EXO1: variants seen among roughly 807,000 people sequenced by gnomAD.
The protein encoded by EXO1 is exonuclease 1.
Under a neutral mutation model 84.5 loss-of-function variants are expected in EXO1, and 69 were observed. That is an observed-to-expected ratio of 0.82 (90% CI 0.67 to 1.00). The LOEUF (loss-of-function observed/expected upper bound fraction) is 1.00. Among genes scored for constraint, EXO1 ranks in the 50% least tolerant of loss-of-function variants. The pLI is 0.00. For synonymous variants in EXO1, 373 were observed against 366.1 expected (o/e 1.02, Z -0.21); for missense variants, 1,045 against 1,000.7 (o/e 1.04, Z -0.60).
rs765067869 is a variant in EXO1, at chr1:241,889,456, A to G, written c.2406-9A>G. On this transcript the variant is annotated splice_polypyrimidine_tract_variant and intron_variant, in intron 15 of 15. Transcript: ENST00000366548. Reference sequence around the variant, plus strand: ...AAAAATACCAAATGTATTTTATTGTATTTTGCAGAGATTCTGAAAAGCTTC... The same window carrying G: ...AAAAATACCAAATGTATTTTATTGTGTTTTGCAGAGATTCTGAAAAGCTTC... 1.2e-6 allele frequency: 2 copies of G among 1,612,016 alleles called. No individual in the cohort carries two copies. Among genetic ancestry groups the G allele is most frequent in the South Asian group, 2.2e-5 (2 of 91,040 alleles).
At position 241,889,801 on chromosome 1, in the gene EXO1, T is replaced by C. The variant is rs898361009; in HGVS notation, c.*201T>C. On this transcript the variant is annotated 3_prime_UTR_variant, in exon 16 of 16. Transcript: ENST00000366548. The stretch of plus-strand genomic sequence containing the variant: ...TTTTATATTTTTATAAGAAGCTAAA[T>C]AGAAGAATAATTGTATCTCTGACAG... 1.2e-5 allele frequency: 7 copies of C among 583,346 alleles called. No individual in the cohort carries two copies. Among genetic ancestry groups the C allele is most frequent in the African/African-American group, 7.5e-5 (4 of 53,392 alleles). 36.1% of individuals were successfully genotyped at this position (583,346 alleles called of 1,614,324 possible).
chr1:241,885,348 CTCTT>C lies in EXO1; in HGVS notation c.2250_2253del (p.Ser751GlnfsTer7). On this transcript the variant is annotated frameshift_variant, in exon 15 of 16. Coordinates refer to ENST00000366548, the MANE Select transcript of EXO1 (RefSeq NM_130398.4). LOFTEE classifies it high-confidence loss of function. ...CTATATAAGTCCAGTTCTGCAGACT[CTCTT>C]TCTACAACCAAGATCAAACCTCTAG... The C allele has an allele frequency of 1.9e-6, 3 of 1,613,964 alleles. No homozygotes were observed. The highest frequency in any genetic ancestry group is 1.3e-5 in the African/African-American group (1 of 75,020).
intron 12 of EXO1, among the ~76,000 whole-genome samples, chr1:241,876,040 ATGTT>A (rs1043056006): frequency 4.9e-4 from 75 of 152,304 alleles, no homozygotes; most frequent in African/African-American, 8.7e-4. Flanking sequence ...ACAAATGAGA[ATGTT>A]TGTGTGTCTC....
rs1221475176 is a variant in EXO1 at position 241,871,426 on chromosome 1, ACCT to A, written c.1268-605_1268-603del. Among the ~76,000 whole-genome samples the A allele has an allele frequency of 6.6e-4, 100 of 152,332 alleles. 2 individuals carry two copies. The East Asian group carries it at 0.017, about 26-fold the overall frequency. On this transcript the variant is annotated intron_variant, in intron 11 of 15. Transcript: ENST00000366548. ...ACCTTAGTGCTGTCTCTATGTACTT[ACCT>A]GTCTCAGATTTTAAACTTTTGTTAT...
At chr1:241,853,959 CAG>C (rs1558122185) in intron 6 of EXO1, among the ~76,000 whole-genome samples, 1 of 152,186 alleles carries the variant, frequency 6.6e-6, no homozygotes, top group African/African-American at 2.4e-5. Context: ...TCTTGAATGA[CAG>C]ATCTGTGATG....
intron 10 of EXO1, among the ~76,000 whole-genome samples, chr1:241,864,091 G>A (rs879895499): frequency 3.3e-5 from 5 of 152,110 alleles, no homozygotes; most frequent in East Asian, 1.9e-4. Context: ...CTCCCTCATG[G>A]TGGTAACTTC....
At chr1:241,853,191 A>G (rs1660762068) in intron 5 of EXO1, among the ~76,000 whole-genome samples, 167 bp from the exon 6 acceptor site, 1 of 152,148 alleles carries the variant, frequency 6.6e-6, no homozygotes, top group Non-Finnish European at 1.5e-5. Context: ...TTTGCCTTAG[A>G]AGCCTAAAGC....
At chr1:241,888,251 TA>T (rs1259520217) in intron 15 of EXO1, among the ~76,000 whole-genome samples, 4 of 151,414 alleles carry the variant, frequency 2.6e-5, no homozygotes, top group Non-Finnish European at 4.4e-5. Flanking sequence ...CAAAAAAATT[TA>T]AAAAAAAATG....
chr1:241,885,298 GGT>G lies in EXO1; in HGVS notation c.2212-13_2212-12del. 2 of 1,597,524 alleles carry G rather than the reference GGT, an allele frequency of 1.3e-6. No individual in the cohort carries two copies. The highest frequency in any genetic ancestry group is 1.7e-6 in the Non-Finnish European group (2 of 1,165,840). On this transcript the variant is annotated splice_polypyrimidine_tract_variant and intron_variant, in intron 14 of 15. Transcript: ENST00000366548. Reference sequence around the variant, plus strand: ...GCTTTAACAGAATGGTCTTAAAATGGGTGTTTAATCTTCAGGTTCCTGGGCTA... The same window carrying G: ...GCTTTAACAGAATGGTCTTAAAATGGGTTTAATCTTCAGGTTCCTGGGCTA...
intron 11 of EXO1, among the ~76,000 whole-genome samples, chr1:241,869,548 A>G (rs912023242): frequency 2.6e-5 from 4 of 152,202 alleles, no homozygotes; most frequent in African/African-American, 9.6e-5. Flanking sequence ...TATTTTTCAA[A>G]TTTAAGCATA....
Position 241,878,736 on chromosome 1 carries a change from CT to C in EXO1, c.1515-6del, listed in dbSNP as rs770188783. The C allele has an allele frequency of 4.5e-6, 7 of 1,553,454 alleles. No homozygotes were observed. Among genetic ancestry groups the C allele is most frequent in the Admixed American group, 1.7e-5 (1 of 59,096 alleles). Reference sequence around the variant, plus strand: ...TCATACTTACTTATTGTTTCTATTGCTTTTTTTATTAGGTTTTTTTGCAGTT... The same window carrying C: ...TCATACTTACTTATTGTTTCTATTGCTTTTTTATTAGGTTTTTTTGCAGTT... On this transcript the variant is annotated splice_polypyrimidine_tract_variant and intron_variant, in intron 12 of 15. Coordinates refer to ENST00000366548, the MANE Select transcript of EXO1 (RefSeq NM_130398.4).
intron 4 of EXO1, among the ~76,000 whole-genome samples, chr1:241,850,875 C>G (rs982644528): frequency 8.0e-6 from 1 of 125,666 alleles, no homozygotes; most frequent in Non-Finnish European, 1.6e-5. Context: ...GAATCTCTAG[C>G]TCAGGCTGGA....
intron 14 of EXO1, among the ~76,000 whole-genome samples, chr1:241,885,043 T>G (rs1000486911): frequency 8.6e-5 from 13 of 151,800 alleles, no homozygotes; most frequent in African/African-American, 3.1e-4. Context: ...CCGTCTCTAC[T>G]AAAAATATAA....
chr1:241,863,098 A>G (rs1404396049), intron 10 of EXO1, among the ~76,000 whole-genome samples: 1 of 152,190 alleles, frequency 6.6e-6, no homozygotes, highest in Non-Finnish European at 1.5e-5. Context: ...CACTCCACCT[A>G]AGAGAATGCT....
At chr1:241,866,155 T>G (rs188081413) in intron 10 of EXO1, among the ~76,000 whole-genome samples, 1 of 152,358 alleles carries the variant, frequency 6.6e-6, no homozygotes, top group East Asian at 1.9e-4. Context: ...CTTTTTTGTT[T>G]GTTTGTTTTT....
Position 241,872,142 on chromosome 1 carries a change from G to C in EXO1, c.1378G>C (p.Val460Leu), listed in dbSNP as rs4149966. Residue 460 changes from valine (V) to leucine (L), a missense_variant, in exon 12 of 16, where the codon GTG becomes CTG. By Grantham distance (32) the Val-to-Leu change is conservative (BLOSUM62 1). Coordinates refer to ENST00000366548, the MANE Select transcript of EXO1 (RefSeq NM_130398.4). The stretch of plus-strand genomic sequence containing the variant: ...ATCATTGAGCTTTTCTGAAGTGTTT[G>C]TGCCTGACCTGGTAAATGGACCTAC... ...NKSLSFSEVF[V>L]PDLVNGPTNK... 0.01 allele frequency: 16,213 copies of C among 1,613,962 alleles called. 150 individuals carry two copies. The highest frequency in any genetic ancestry group is 0.035 in the South Asian group (3,233 of 91,076).
chr1:241,859,195 A>T (rs76146934), intron 8 of EXO1, among the ~76,000 whole-genome samples: 1 of 152,246 alleles, frequency 6.6e-6, no homozygotes. Flanking sequence ...TAATAAACTC[A>T]TTACATGTTA....
intron 6 of EXO1, among the ~76,000 whole-genome samples, chr1:241,855,927 C>CGG (rs1661000477): frequency 6.6e-6 from 1 of 152,182 alleles, no homozygotes; most frequent in South Asian, 2.1e-4. Context: ...CCGCAAGCAC[C>CGG]GCGCGCAGCC....
intron 10 of EXO1, among the ~76,000 whole-genome samples, chr1:241,865,190 TATA>T (rs1558131581): frequency 6.7e-6 from 1 of 149,530 alleles, no homozygotes. Context: ...TATATATATA[TATA>T]TATTTTTTGA....
Sources: allele counts gnomAD v4.1 joint callset (sites outside exome capture counted in the v4.1 genomes callset), GRCh38; gene constraint gnomAD v4.1.1; transcripts MANE v1.5; gene names NCBI Gene and HGNC (gene_info 2026-07-23, HGNC 2026-07-21).